PAX5: variants seen among roughly 807,000 people sequenced by gnomAD.
PAX5 encodes paired box 5, also known as paired box protein Pax-5.
A neutral mutation model predicts 43.7 loss-of-function variants in PAX5; 9 were observed. The observed-to-expected ratio is 0.21, with a 90% CI of 0.12 to 0.36. The LOEUF (loss-of-function observed/expected upper bound fraction) is 0.36. Ranked by LOEUF, PAX5 falls within the 10% of genes least tolerant of loss-of-function variation. The probability of loss-of-function intolerance (pLI) is 1.00; values close to 1 mark genes in which losing one functional copy is unlikely to be tolerated. For missense variants in PAX5, 383 were observed against 532.7 expected (o/e 0.72, Z 2.77); for synonymous variants, 228 against 214.3 (o/e 1.06, Z -0.56).
chr9:36,905,098 T>C (rs1828708839), intron 7 of PAX5, among the ~76,000 whole-genome samples: 1 of 152,212 alleles, frequency 6.6e-6, no homozygotes, highest in Non-Finnish European at 1.5e-5. Context: ...CAAGGAGACA[T>C]GCACTGAAGG....
chr9:36,991,978 C>G (rs1836983048), intron 5 of PAX5, among the ~76,000 whole-genome samples: 1 of 152,206 alleles, frequency 6.6e-6, no homozygotes, highest in Non-Finnish European at 1.5e-5. Context: ...TTCTCTTGTT[C>G]TCCCTCTCCC....
At chr9:36,944,383 G>A (rs111279545) in intron 6 of PAX5, among the ~76,000 whole-genome samples, 1,578 of 152,144 alleles carry the variant, frequency 0.01, 24 homozygotes, top group African/African-American at 0.036. Flanking sequence ...TGCCCGAATC[G>A]TGCAGCTGGT....
chr9:37,022,548 A>G (rs895213789), intron 1 of PAX5, among the ~76,000 whole-genome samples: 3 of 152,256 alleles, frequency 2.0e-5, no homozygotes, highest in African/African-American at 7.2e-5. Context: ...CACTTTTGAT[A>G]TGACCTGGGA....
chr9:37,021,449 A>G (rs1388460398), intron 1 of PAX5, among the ~76,000 whole-genome samples: 1 of 152,194 alleles, frequency 6.6e-6, no homozygotes, highest in East Asian at 1.9e-4. Context: ...AAAGCACACA[A>G]AAGAAATGGG....
chr9:36,985,271 A>AG (rs1332228015), intron 5 of PAX5, among the ~76,000 whole-genome samples: 4 of 152,228 alleles, frequency 2.6e-5, no homozygotes, highest in Non-Finnish European at 4.4e-5. Context: ...AGCACATAGC[A>AG]GGTGCCTGCC....
chr9:36,911,603 A>C (rs992591514), intron 7 of PAX5, among the ~76,000 whole-genome samples: 2 of 152,240 alleles, frequency 1.3e-5, no homozygotes, highest in African/African-American at 4.8e-5. Flanking sequence ...GCCTGGATAC[A>C]TAAGGTGTTC....
At chr9:37,003,567 G>A (rs1031986494) in intron 4 of PAX5, among the ~76,000 whole-genome samples, 19 of 152,166 alleles carry the variant, frequency 1.2e-4, no homozygotes, top group African/African-American at 4.3e-4. Flanking sequence ...GCCTGGTGCC[G>A]GGGCTCACGC....
At chr9:37,022,804 G>C (rs571122199) in intron 1 of PAX5, among the ~76,000 whole-genome samples, 7 of 152,312 alleles carry the variant, frequency 4.6e-5, no homozygotes, top group South Asian at 4.2e-4. Context: ...GGCTGAGATA[G>C]TAATGCTCTT....
chr9:36,870,889 A>T (rs10758410), intron 8 of PAX5, among the ~76,000 whole-genome samples: 149,409 of 152,392 alleles, frequency 0.98, 73,311 homozygotes, highest in East Asian at 1. Context: ...GCCCAGTAGA[A>T]GAAGGGGCTG....
intron 6 of PAX5, among the ~76,000 whole-genome samples, chr9:36,930,106 A>G (rs1000750112): frequency 6.6e-6 from 1 of 151,984 alleles, no homozygotes; most frequent in African/African-American, 2.4e-5. Context: ...ACCATGTTCT[A>G]GATGATGGAA....
chr9:36,929,396 G>A (rs146556688), intron 6 of PAX5, among the ~76,000 whole-genome samples: 51 of 152,154 alleles, frequency 3.4e-4, no homozygotes, highest in African/African-American at 1.2e-3. Context: ...CAGTTTTTTC[G>A]AAGCCAAAGG....
chr9:36,947,603 G>T (rs997928300), intron 6 of PAX5, among the ~76,000 whole-genome samples: 3 of 151,782 alleles, frequency 2.0e-5, no homozygotes, highest in African/African-American at 7.3e-5. Context: ...GTCTCAAATG[G>T]TCTCAAGTGA....
At chr9:37,030,872 C>A (rs1222718070) in intron 1 of PAX5, among the ~76,000 whole-genome samples, 3 of 152,256 alleles carry the variant, frequency 2.0e-5, no homozygotes, top group Non-Finnish European at 4.4e-5. Context: ...GTTCTTGCTT[C>A]TGACAAAGTG....
At chr9:36,976,647 T>A (rs1176389373) in intron 5 of PAX5, among the ~76,000 whole-genome samples, 2 of 151,536 alleles carry the variant, frequency 1.3e-5, no homozygotes, top group Non-Finnish European at 2.9e-5. Flanking sequence ...GGAGGAAAAT[T>A]TCCACTGAAA....
intron 3 of PAX5, chr9:37,008,061 T>A (rs1838613232): frequency 1.3e-5 from 2 of 152,180 alleles, no homozygotes; most frequent in Non-Finnish European, 2.9e-5. Context: ...TTTTTTTGCT[T>A]TTTTGTTTTT....
intron 6 of PAX5, among the ~76,000 whole-genome samples, chr9:36,924,597 G>A (rs2131974655): frequency 6.6e-6 from 1 of 151,624 alleles, no homozygotes; most frequent in Non-Finnish European, 1.5e-5. Flanking sequence ...GCTTTCACCT[G>A]TAGTCCCAGC....
intron 7 of PAX5, among the ~76,000 whole-genome samples, chr9:36,903,251 TG>T (rs1828551022): frequency 6.6e-6 from 1 of 152,180 alleles, no homozygotes; most frequent in Non-Finnish European, 1.5e-5. Flanking sequence ...AGCAGTTGGC[TG>T]GGAAGGGTGG....
At chr9:36,859,397 G>C (rs1406061253) in intron 8 of PAX5, among the ~76,000 whole-genome samples, 3 of 152,132 alleles carry the variant, frequency 2.0e-5, no homozygotes, top group African/African-American at 7.2e-5. Flanking sequence ...AAAGACCCAG[G>C]CTGGACCACC....
chr9:36,968,092 G>C (rs1834599573), intron 5 of PAX5, among the ~76,000 whole-genome samples: 1 of 152,216 alleles, frequency 6.6e-6, no homozygotes, highest in Non-Finnish European at 1.5e-5. Context: ...CTCACGCAAG[G>C]CTGACCAGAG....
Sources: allele counts gnomAD v4.1 joint callset (sites outside exome capture counted in the v4.1 genomes callset), GRCh38; gene constraint gnomAD v4.1.1; transcripts MANE v1.5; gene names NCBI Gene and HGNC (gene_info 2026-07-23, HGNC 2026-07-21).